The following ERBB4 variants were observed in gnomAD, a reference collection of about 807,000 sequenced individuals.
The protein encoded by ERBB4 is receptor tyrosine-protein kinase erbB-4.
Under a neutral mutation model 158.0 loss-of-function variants are expected in ERBB4, and 42 were observed. That is an observed-to-expected ratio of 0.27 (90% CI 0.21 to 0.34). ERBB4 has a LOEUF of 0.34. Among genes scored for constraint, ERBB4 ranks in the 10% least tolerant of loss-of-function variants. The pLI is 1.00. For synonymous variants in ERBB4, 583 were observed against 558.7 expected (o/e 1.04, Z -0.61); for missense variants, 1,333 against 1,624.1 (o/e 0.82, Z 3.08).
At chr2:212,358,450 A>C (rs1461438606) in intron 1 of ERBB4, among the ~76,000 whole-genome samples, 1 of 151,778 alleles carries the variant, frequency 6.6e-6, no homozygotes, top group Non-Finnish European at 1.5e-5. Context: ...TTTGTACAAA[A>C]AGTGTGCCAT....
intron 3 of ERBB4, among the ~76,000 whole-genome samples, chr2:211,822,413 T>C (rs2077015452): frequency 6.6e-6 from 1 of 152,054 alleles, no homozygotes; most frequent in Non-Finnish European, 1.5e-5. Flanking sequence ...AATGTATAGA[T>C]ATAACGTGTC....
At chr2:212,208,592 A>T (rs2082837581) in intron 1 of ERBB4, among the ~76,000 whole-genome samples, 1 of 152,156 alleles carries the variant, frequency 6.6e-6, no homozygotes, top group South Asian at 2.1e-4. Flanking sequence ...AATGCAACAT[A>T]ATAATGATGG....
intron 19 of ERBB4, among the ~76,000 whole-genome samples, chr2:211,613,733 A>C (rs2069283680): frequency 6.6e-6 from 1 of 152,020 alleles, no homozygotes; most frequent in Non-Finnish European, 1.5e-5. Flanking sequence ...ACCCCAGTTA[A>C]AATGGCTTAA....
intron 25 of ERBB4, among the ~76,000 whole-genome samples, chr2:211,389,298 G>C (rs866293895): frequency 6.6e-6 from 1 of 152,172 alleles, no homozygotes; most frequent in African/African-American, 2.4e-5. Context: ...GCCTCTCAAA[G>C]TGCTGGGATT....
In ERBB4 at chr2:211,404,599, C is replaced by CT. The variant is rs200398783; in HGVS notation, c.3135+15841dup. Among the ~76,000 whole-genome samples the CT allele has an allele frequency of 4.7e-3, 716 of 151,776 alleles. 4 individuals carry two copies. Among genetic ancestry groups the CT allele is most frequent in the African/African-American group, 0.016 (668 of 41,280 alleles). On this transcript the variant is annotated intron_variant, in intron 25 of 27. Transcript: ENST00000342788. ...ACAGACAACTAACTTTGTTAAAACA[C>CT]TTTTTTTTAACTTTGTTAAAACATT...
intron 20 of ERBB4, among the ~76,000 whole-genome samples, chr2:211,492,304 T>C (rs2065363695): frequency 6.6e-6 from 1 of 152,146 alleles, no homozygotes; most frequent in Non-Finnish European, 1.5e-5. Flanking sequence ...TGGAGTAATA[T>C]ATAGATGGCA....
At chr2:212,328,944 C>G (rs1464178718) in intron 1 of ERBB4, among the ~76,000 whole-genome samples, 2 of 151,924 alleles carry the variant, frequency 1.3e-5, no homozygotes. Context: ...ATTTTCTGAA[C>G]TGAACATGAT....
chr2:211,878,115 A>G (rs938201971), intron 3 of ERBB4, among the ~76,000 whole-genome samples: 4 of 152,214 alleles, frequency 2.6e-5, no homozygotes, highest in African/African-American at 9.6e-5. Context: ...CTCAAAACAA[A>G]CAAACAAACA....
At chr2:211,666,531 C>G (rs992362557) in intron 14 of ERBB4, among the ~76,000 whole-genome samples, 1 of 152,116 alleles carries the variant, frequency 6.6e-6, no homozygotes. Flanking sequence ...TGATTTGGAT[C>G]TGGTATAATG....
At chr2:211,936,306 AT>A (rs1363133729) in intron 3 of ERBB4, among the ~76,000 whole-genome samples, 1 of 152,060 alleles carries the variant, frequency 6.6e-6, no homozygotes, top group Non-Finnish European at 1.5e-5. Context: ...CCCTTTTTAT[AT>A]CAGCTTTTTT....
intron 1 of ERBB4, among the ~76,000 whole-genome samples, chr2:212,284,149 A>G (rs1185818684): frequency 6.6e-6 from 1 of 152,140 alleles, no homozygotes; most frequent in African/African-American, 2.4e-5. Context: ...TAATATTATC[A>G]ACAGGTTCAG....
At chr2:212,220,812 C>T (rs149815863) in intron 1 of ERBB4, among the ~76,000 whole-genome samples, 78 of 151,436 alleles carry the variant, frequency 5.2e-4, no homozygotes, top group African/African-American at 1.8e-3. Flanking sequence ...TTCCATGTAC[C>T]TCTGTACTTA....
intron 19 of ERBB4, among the ~76,000 whole-genome samples, chr2:211,609,442 AT>A (rs1460763678): frequency 6.6e-5 from 10 of 152,142 alleles, no homozygotes; most frequent in Non-Finnish European, 1.5e-4. Context: ...ACTCAATCAT[AT>A]TTCCATAAGT....
intron 2 of ERBB4, among the ~76,000 whole-genome samples, chr2:211,975,616 G>A (rs1038837745): frequency 6.6e-6 from 1 of 152,036 alleles, no homozygotes; most frequent in Admixed American, 6.5e-5. Context: ...TATTTTGAAG[G>A]GTAAGCTGAT....
At chr2:211,903,496 C>G (rs1209045127) in intron 3 of ERBB4, among the ~76,000 whole-genome samples, 1 of 151,902 alleles carries the variant, frequency 6.6e-6, no homozygotes, top group Admixed American at 6.6e-5. Context: ...GAGTAATATA[C>G]ATGAAATTTT....
At chr2:212,284,411 T>C (rs898254473) in intron 1 of ERBB4, among the ~76,000 whole-genome samples, 1 of 152,118 alleles carries the variant, frequency 6.6e-6, no homozygotes. Flanking sequence ...TTACAGCATG[T>C]TGCATTGTCT....
At chr2:212,228,893 G>T (rs998263775) in intron 1 of ERBB4, among the ~76,000 whole-genome samples, 1 of 152,138 alleles carries the variant, frequency 6.6e-6, no homozygotes, top group Non-Finnish European at 1.5e-5. Flanking sequence ...CAACAAATTG[G>T]ATCAGCTAGG....
rs61661718 is a variant in ERBB4 at position 211,483,515 on chromosome 2, C to A, written c.2488-52415G>T. Among the ~76,000 whole-genome samples, 235 of 151,860 alleles carry A rather than the reference C, an allele frequency of 1.5e-3. 2 individuals carry two copies. Among genetic ancestry groups the A allele is most frequent in the African/African-American group, 5.5e-3 (226 of 41,450 alleles). ...GATACATAAGAGTGACAGCACATTT[C>A]TTTTTTTGTTTGTTTTTCTTTTGTT... On this transcript the variant is annotated intron_variant, in intron 20 of 27. Coordinates refer to ENST00000342788, the MANE Select transcript of ERBB4 (RefSeq NM_005235.3).
At chr2:212,022,057 C>A (rs1447817201) in intron 2 of ERBB4, among the ~76,000 whole-genome samples, 8 of 152,136 alleles carry the variant, frequency 5.3e-5, no homozygotes, top group Admixed American at 5.2e-4. Flanking sequence ...AATAGGAATG[C>A]TTTTACACCA....
Sources: allele counts gnomAD v4.1 joint callset (sites outside exome capture counted in the v4.1 genomes callset), GRCh38; gene constraint gnomAD v4.1.1; transcripts MANE v1.5; gene names NCBI Gene and HGNC (gene_info 2026-07-23, HGNC 2026-07-21).